Variants in NFKB1 observed in about 807,000 individuals in gnomAD.
NFKB1 encodes nuclear factor NF-kappa-B p105 subunit.
Under a neutral mutation model 105.1 loss-of-function variants are expected in NFKB1, and 9 were observed. That is an observed-to-expected ratio of 0.09 (90% CI 0.05 to 0.15). The LOEUF (loss-of-function observed/expected upper bound fraction) is 0.15. Among genes scored for constraint, NFKB1 ranks in the 10% least tolerant of loss-of-function variants. NFKB1 has a pLI of 1.00. For synonymous variants in NFKB1, 440 were observed against 442.2 expected (o/e 1.00, Z 0.06); for missense variants, 830 against 1,203.7 (o/e 0.69, Z 4.59).
chr4:102,529,715 A>G, intron 2 of NFKB1, 121 bp from the exon 3 acceptor site: 1 of 709,644 alleles, frequency 1.4e-6, no homozygotes, highest in Non-Finnish European at 2.4e-6. Context: ...AAATATTTTC[A>G]GATTTTTGTT....
chr4:102,520,228 G>A (rs554889273), intron 1 of NFKB1, among the ~76,000 whole-genome samples: 10 of 152,334 alleles, frequency 6.6e-5, no homozygotes, highest in African/African-American at 9.6e-5. Flanking sequence ...AATTGTCAGC[G>A]TACCCATAAG....
At chr4:102,532,847 A>G (rs1236824319) in intron 3 of NFKB1, among the ~76,000 whole-genome samples, 1 of 152,188 alleles carries the variant, frequency 6.6e-6, no homozygotes, top group Non-Finnish European at 1.5e-5. Context: ...GAGAACCACC[A>G]TATGCCTTTA....
chr4:102,594,109 T>G (rs1474700387), intron 12 of NFKB1, among the ~76,000 whole-genome samples: 1 of 152,216 alleles, frequency 6.6e-6, no homozygotes, highest in Non-Finnish European at 1.5e-5. Flanking sequence ...AATACTATTT[T>G]ACTATCATTT....
Position 102,576,957 on chromosome 4 carries a change from A to G in NFKB1, c.489A>G (p.Ile163Met), listed in dbSNP as rs772170990. The G allele has an allele frequency of 1.2e-6, 2 of 1,613,960 alleles. No homozygotes were observed. The highest frequency in any genetic ancestry group is 2.2e-5 in the East Asian group (1 of 44,870). Reference protein sequence around the residue: ...TLEARMTEACIRGYNPGLLVH... With the variant: ...TLEARMTEACMRGYNPGLLVH... The stretch of plus-strand genomic sequence containing the variant: ...AAGCACGAATGACAGAGGCGTGTAT[A>G]AGGGGCTATAATCCTGGACTCTTGG... Residue 163 changes from isoleucine to methionine, a missense_variant, in exon 7 of 24, where the codon ATA becomes ATG. Transcript: ENST00000226574.
intron 1 of NFKB1, chr4:102,510,901 C>A: frequency 7.8e-7 from 1 of 1,278,578 alleles, no homozygotes; most frequent in Non-Finnish European, 1.0e-6. Context: ...CGTCCTACAT[C>A]AAGAAAAAAG....
chr4:102,615,130 G>A (rs1406861823), intron 23 of NFKB1, among the ~76,000 whole-genome samples: 2 of 152,114 alleles, frequency 1.3e-5, no homozygotes, highest in East Asian at 3.9e-4. Context: ...AAAAATCAGT[G>A]ACATTGTATT....
chr4:102,556,145 T>C (rs578053247), intron 5 of NFKB1, among the ~76,000 whole-genome samples: 1 of 152,302 alleles, frequency 6.6e-6, no homozygotes, highest in East Asian at 1.9e-4. Context: ...GCTGCACTTT[T>C]TTAGAAGGCA....
At position 102,593,485 on chromosome 4, in the gene NFKB1, G is replaced by A. The variant is rs1321434628; in HGVS notation, c.1127G>A (p.Gly376Asp). ...KLMPNFSDSFGGGSGAGAGGG... is the reference protein window; with the variant it reads ...KLMPNFSDSFDGGSGAGAGGG... ...ATGCCCAATTTTTCGGATAGTTTCG[G>A]CGGTGGTAGTGGTGCTGGAGCTGGA... is the stretch of plus-strand genomic sequence containing the variant. Residue 376 changes from glycine (G) to aspartate (D), a missense_variant, in exon 12 of 24, where the codon GGC becomes GAC. Coordinates refer to ENST00000226574, the MANE Select transcript of NFKB1 (RefSeq NM_003998.4). 4 of 1,613,718 alleles carry A rather than the reference G, an allele frequency of 2.5e-6. No individual in the cohort carries two copies. The highest frequency in any genetic ancestry group is 3.4e-6 in the Non-Finnish European group (4 of 1,179,814).
intron 23 of NFKB1, among the ~76,000 whole-genome samples, chr4:102,615,704 T>C (rs1157167731): frequency 1.3e-5 from 2 of 152,268 alleles, no homozygotes; most frequent in Admixed American, 6.5e-5. Flanking sequence ...AAATAAAGAT[T>C]GGTTGATTAA....
At chr4:102,593,342 C>T in intron 11 of NFKB1, 83 bp from the exon 12 acceptor site, 2 of 1,229,448 alleles carry the variant, frequency 1.6e-6, no homozygotes, top group Non-Finnish European at 2.3e-6. Context: ...TTAAAAATAC[C>T]ATTAGAATCA....
intron 5 of NFKB1, among the ~76,000 whole-genome samples, chr4:102,550,471 C>A (rs1722488558): frequency 6.6e-6 from 1 of 152,134 alleles, no homozygotes; most frequent in Non-Finnish European, 1.5e-5. Flanking sequence ...TCCAACACTG[C>A]AGGCTTCTTC....
intron 9 of NFKB1, among the ~76,000 whole-genome samples, chr4:102,581,930 T>A (rs1025889411): frequency 6.6e-6 from 1 of 152,228 alleles, no homozygotes; most frequent in Non-Finnish European, 1.5e-5. Flanking sequence ...TTTTATCCAT[T>A]CCTAGTATTT....
At chr4:102,540,357 A>C (rs1741921544) in intron 5 of NFKB1, among the ~76,000 whole-genome samples, 1 of 152,156 alleles carries the variant, frequency 6.6e-6, no homozygotes, top group South Asian at 2.1e-4. Flanking sequence ...TCTACTCAAA[A>C]ACATATTGCT....
chr4:102,520,337 T>C lies in NFKB1; in HGVS notation c.-7-5175T>C, dbSNP rs540481222. Reference sequence around the variant, plus strand: ...ATAATTTACCACAAACATATATTGCTTATTATGCCATCTAATAAAATGGCT... The same window carrying C: ...ATAATTTACCACAAACATATATTGCCTATTATGCCATCTAATAAAATGGCT... On this transcript the variant is annotated intron_variant, in intron 1 of 23. Coordinates refer to ENST00000226574, the MANE Select transcript of NFKB1 (RefSeq NM_003998.4). 2.0e-5 allele frequency among the ~76,000 whole-genome samples: 3 copies of C among 152,362 alleles called. No individual in the cohort carries two copies. In the South Asian group the frequency reaches 6.2e-4, roughly 32 times the overall value.
chr4:102,613,216 G>A (rs1728591964), intron 22 of NFKB1, among the ~76,000 whole-genome samples: 1 of 152,122 alleles, frequency 6.6e-6, no homozygotes, highest in African/African-American at 2.4e-5. Flanking sequence ...CCACTTCTCT[G>A]TGATTTCCTG....
chr4:102,525,450 G>C, intron 1 of NFKB1, 62 bp from the exon 2 acceptor site: 1 of 1,480,364 alleles, frequency 6.8e-7, no homozygotes, highest in Non-Finnish European at 9.4e-7. Flanking sequence ...ATTCCATGGT[G>C]ATAGAATTTT....
chr4:102,600,848 TTTCA>T, intron 15 of NFKB1, 43 bp from the exon 16 acceptor site: 1 of 1,108,724 alleles, frequency 9.0e-7, no homozygotes, highest in Non-Finnish European at 1.4e-6. Context: ...ATCTTTTCTT[TTTCA>T]TTAACATTTT....
At chr4:102,550,407 T>C (rs1475783516) in intron 5 of NFKB1, among the ~76,000 whole-genome samples, 1 of 152,170 alleles carries the variant, frequency 6.6e-6, no homozygotes, top group Non-Finnish European at 1.5e-5. Flanking sequence ...AGCTACAAAA[T>C]TGATTATTTT....
chr4:102,597,715 A>G (rs1296549990), intron 15 of NFKB1, 54 bp downstream of exon 15: 4 of 1,573,622 alleles, frequency 2.5e-6, no homozygotes, highest in Non-Finnish European at 2.6e-6. Flanking sequence ...GAAGAAGAGC[A>G]TCGTATAATG....
Sources: gnomAD v4.1 joint callset for allele counts (sites outside exome capture counted in the v4.1 genomes callset) on GRCh38, gnomAD v4.1.1 for gene constraint, MANE v1.5 for transcripts, NCBI Gene and HGNC (gene_info 2026-07-23, HGNC 2026-07-21) for gene names.